LHX3: variants seen among roughly 807,000 people sequenced by gnomAD.
The protein encoded by LHX3 is LIM homeobox 3, also known as LIM/homeobox protein Lhx3.
LHX3 carries 21 observed loss-of-function variants against 32.4 expected under a neutral mutation model. The observed-to-expected ratio is 0.65, with a 90% CI of 0.46 to 0.93. The LOEUF is 0.93. LHX3 is among the 40% of genes least tolerant of loss of function. The probability of loss-of-function intolerance (pLI) is 0.00; values close to 1 mark genes in which losing one functional copy is unlikely to be tolerated. For synonymous variants in LHX3, 258 were observed against 246.8 expected (o/e 1.05, Z -0.43); for missense variants, 626 against 560.0 (o/e 1.12, Z -1.19).
chr9:136,197,864 CAGGTCATA>C, intron 5 of LHX3, 121 bp from the exon 6 acceptor site: 3 of 996,578 alleles, frequency 3.0e-6, no homozygotes, highest in Non-Finnish European at 4.6e-6. Context: ...CACCACATGA[CAGGTCATA>C]ACAGGCCCCT....
At chr9:136,200,012 GT>G in intron 2 of LHX3, 132 bp from the exon 3 acceptor site, 2 of 973,466 alleles carry the variant, frequency 2.1e-6, no homozygotes, top group Non-Finnish European at 3.1e-6. Flanking sequence ...CTGCAGGGTG[GT>G]CGCCAGCCTG....
Position 136,197,715 on chromosome 9 carries a change from C to A in LHX3, c.804G>T (p.Pro268=). The part of the protein sequence containing the change: ...PDEPSLAEMG[P]ANGLYGSLGE... The stretch of plus-strand genomic sequence containing the variant: ...CCAAGCTCCCGTAGAGGCCATTGGC[C>A]GGGCCCATTTCCGCCAAGGAAGGCT... Residue 268 remains proline (P), a synonymous_variant, in exon 6 of 6, where the codon CCG becomes CCT. Coordinates refer to ENST00000371748, the MANE Select transcript of LHX3 (RefSeq NM_178138.6). 2 of 1,604,736 alleles carry A rather than the reference C, an allele frequency of 1.2e-6. No homozygotes were observed. The highest frequency in any genetic ancestry group is 1.7e-6 in the Non-Finnish European group (2 of 1,179,804).
chr9:136,202,126 G>T (rs1009789018), intron 1 of LHX3, among the ~76,000 whole-genome samples: 1 of 152,136 alleles, frequency 6.6e-6, no homozygotes, highest in African/African-American at 2.4e-5. Context: ...TCCCGAGCGC[G>T]GGCGCGCAGT....
intron 1 of LHX3, chr9:136,201,188 G>A: frequency 3.0e-6 from 4 of 1,353,098 alleles, no homozygotes; most frequent in Non-Finnish European, 3.8e-6. Context: ...ACCCCATCGG[G>A]TCTCCTTCAT....
Position 136,198,702 on chromosome 9 carries a change from T to G in LHX3, c.725A>C (p.Lys242Thr). 1 of 1,611,140 alleles carries G rather than the reference T, an allele frequency of 6.2e-7. No individual in the cohort carries two copies. The highest frequency in any genetic ancestry group is 8.5e-7 in the Non-Finnish European group (1 of 1,179,704). The part of the protein sequence containing the change: ...KRSRGGSKSD[K>T]DSVQEGQDSD... The stretch of plus-strand genomic sequence containing the variant: ...GTCCTGCCCCTCCTGAACGCTGTCC[T>G]TGTCCGACTTGGAGCCGCCGCGGGA... Residue 242 changes from lysine (K) to threonine (T), a missense_variant, in exon 5 of 6, where the codon AAG (lysine) becomes ACG (threonine). Coordinates refer to ENST00000371748, the MANE Select transcript of LHX3 (RefSeq NM_178138.6).
intron 1 of LHX3, among the ~76,000 whole-genome samples, chr9:136,202,534 A>C (rs1165296128): frequency 6.6e-6 from 1 of 152,132 alleles, no homozygotes; most frequent in Non-Finnish European, 1.5e-5. Context: ...GTTCAGCTCG[A>C]CCTTGGCCCC....
Position 136,197,704 on chromosome 9 carries a change from A to G in LHX3, c.815T>C (p.Leu272Pro), listed in dbSNP as rs1004392732. 2 of 1,606,306 alleles carry G rather than the reference A, an allele frequency of 1.2e-6. No homozygotes were observed. The highest frequency in any genetic ancestry group is 2.7e-5 in the African/African-American group (2 of 75,046). ...GGTGGGTTCCCCCAAGCTCCCGTAGAGGCCATTGGCCGGGCCCATTTCCGC... is the reference window on the plus strand; with the variant it reads ...GGTGGGTTCCCCCAAGCTCCCGTAGGGGCCATTGGCCGGGCCCATTTCCGC... ...SLAEMGPANG[L>P]YGSLGEPTQA... is the part of the protein sequence containing the mutation. The change falls in exon 6 of 6, where the codon CTC (leucine) becomes CCC (proline). Residue 272 changes from leucine to proline, a missense_variant. By Grantham distance (98) the Leu-to-Pro change is moderately conservative. Coordinates refer to ENST00000371748, the MANE Select transcript of LHX3 (RefSeq NM_178138.6).
chr9:136,200,987 A>G (rs1332733783), intron 1 of LHX3, among the ~76,000 whole-genome samples: 1 of 152,196 alleles, frequency 6.6e-6, no homozygotes, highest in Admixed American at 6.5e-5. Flanking sequence ...ACATCGGTCT[A>G]AAAATGTGTG....
At position 136,199,893 on chromosome 9, in the gene LHX3, C is replaced by T; in HGVS notation, c.252-13G>A. The T allele has an allele frequency of 6.4e-7, 1 of 1,572,110 alleles. No individual in the cohort carries two copies. The highest frequency in any genetic ancestry group is 2.4e-5 in the East Asian group (1 of 42,168). On this transcript the variant is annotated splice_polypyrimidine_tract_variant and intron_variant, in intron 2 of 5. Transcript: ENST00000371748. ...GGTCCCGAAGCGCCTGCGGGACGCA[C>T]AGGGCCGGGCTCAGCGCGGAAGCGC...
chr9:136,198,751 GC>G lies in LHX3; in HGVS notation c.675del (p.Gln226SerfsTer6), dbSNP rs1564282384. 1 of 1,611,366 alleles carries G rather than the reference GC, an allele frequency of 6.2e-7. No homozygotes were observed. Among genetic ancestry groups the G allele is most frequent in the Non-Finnish European group, 8.5e-7 (1 of 1,179,806 alleles). On this transcript the variant is annotated frameshift_variant, in exon 5 of 6. Coordinates refer to ENST00000371748, the MANE Select transcript of LHX3 (RefSeq NM_178138.6). LOFTEE classifies it high-confidence loss of function. ...GAGCGCTTCATGTTGCGGAAATACT[GC>G]CCCCAGCGCTGCCGGCCGGCGTCCT... is the stretch of plus-strand genomic sequence containing the variant. ...LKKDAGRQRWGQYFRNMKRSR... is the reference protein window; with the variant it reads ...LKKDAGRQRWXQYFRNMKRSR...
chr9:136,199,605 G>A, intron 3 of LHX3, 73 bp downstream of exon 3: 1 of 1,496,432 alleles, frequency 6.7e-7, no homozygotes. Context: ...TTCCCCGGAC[G>A]CCCCCCTGGG....
chr9:136,203,552 G>A (rs1831696717), intron 1 of LHX3, among the ~76,000 whole-genome samples: 1 of 152,206 alleles, frequency 6.6e-6, no homozygotes. Flanking sequence ...TGGTCGGCGG[G>A]AGCTCAACCC....
rs1588626879 is a variant in LHX3 at position 136,200,745 on chromosome 9, G to A, written c.88C>T (p.Leu30=). ...ATGTGCTGGTCACAGCCAGCGCACA[G>A]CGGGATCTCTGTGGGCACGAGGAAG... ...CTLGGTREIP[L]CAGCDQHILD... Residue 30 remains leucine, a synonymous_variant, in exon 2 of 6, where the codon CTG becomes TTG. Coordinates refer to ENST00000371748, the MANE Select transcript of LHX3 (RefSeq NM_178138.6). 2 of 1,613,428 alleles carry A rather than the reference G, an allele frequency of 1.2e-6. No individual in the cohort carries two copies. Among genetic ancestry groups the A allele is most frequent in the South Asian group, 1.1e-5 (1 of 91,084 alleles).
intron 2 of LHX3, 95 bp downstream of exon 2, chr9:136,200,487 G>A: frequency 1.5e-6 from 2 of 1,366,816 alleles, no homozygotes; most frequent in Non-Finnish European, 2.0e-6. Flanking sequence ...AGAGACGCAG[G>A]CTTCGAGGGC....
intron 4 of LHX3, 40 bp downstream of exon 4, chr9:136,198,868 C>T (rs1254857705): frequency 3.1e-6 from 5 of 1,593,344 alleles, no homozygotes; most frequent in Non-Finnish European, 4.3e-6. Context: ...CGGGGGCCCC[C>T]AAGGCCGCGG....
At chr9:136,199,961 C>T (rs781068670) in intron 2 of LHX3, 81 bp from the exon 3 acceptor site, 2 of 1,435,008 alleles carry the variant, frequency 1.4e-6, no homozygotes, top group Admixed American at 3.9e-5. Context: ...AGGCAAGCGG[C>T]TGCCTGGGAA....
chr9:136,204,525 T>C (rs1178934115), intron 1 of LHX3, among the ~76,000 whole-genome samples: 2 of 152,118 alleles, frequency 1.3e-5, no homozygotes, highest in Admixed American at 1.3e-4. Context: ...TCCGTGGTGA[T>C]GGAATGGCCC....
In LHX3 at chr9:136,199,859, G is replaced by T. The variant is rs2131034796; in HGVS notation, c.273C>A (p.Ala91=). 1 of 1,599,890 alleles carries T rather than the reference G, an allele frequency of 6.3e-7. No individual in the cohort carries two copies. The highest frequency in any genetic ancestry group is 2.3e-5 in the East Asian group (1 of 43,964). Reference sequence around the variant, plus strand: ...TGGGCGGGATGCCCAGCTGGCACGCGGCGCACTTGGTCCCGAAGCGCCTGC... The same window carrying T: ...TGGGCGGGATGCCCAGCTGGCACGCTGCGCACTTGGTCCCGAAGCGCCTGC... The part of the protein sequence containing the change: ...DFFKRFGTKC[A]ACQLGIPPTQ... The change falls in exon 3 of 6, where the codon GCC becomes GCA. Residue 91 remains alanine (A), a synonymous_variant. Transcript: ENST00000371748.
Position 136,198,968 on chromosome 9 carries a change from C to A in LHX3, c.546G>T (p.Pro182=), listed in dbSNP as rs766286947. The change falls in exon 4 of 6, where the codon CCG becomes CCT. Residue 182 remains proline (P), a synonymous_variant. Transcript: ENST00000371748. ...AGAGCTGCTCGCGCACGTGGCGCGCCGGCTTGGGCGAGGTGTTGTAAGCGC... is the reference window on the plus strand; with the variant it reads ...AGAGCTGCTCGCGCACGTGGCGCGCAGGCTTGGGCGAGGTGTTGTAAGCGC... ...LKSAYNTSPK[P]ARHVREQLSS... is the part of the protein sequence containing the mutation. The A allele has an allele frequency of 1.3e-6, 2 of 1,589,844 alleles. No individual in the cohort carries two copies. Among genetic ancestry groups the A allele is most frequent in the African/African-American group, 2.7e-5 (2 of 73,356 alleles).
Sources: allele counts gnomAD v4.1 joint callset (sites outside exome capture counted in the v4.1 genomes callset), GRCh38; gene constraint gnomAD v4.1.1; transcripts MANE v1.5; gene names NCBI Gene and HGNC (gene_info 2026-07-23, HGNC 2026-07-21).